Variants in TESK2 observed in about 807,000 individuals in gnomAD.
TESK2 encodes the protein testis associated actin remodelling kinase 2.
Under a neutral mutation model 57.1 loss-of-function variants are expected in TESK2, and 39 were observed. That is an observed-to-expected ratio of 0.68 (90% CI 0.53 to 0.89). TESK2 has a LOEUF of 0.89. Ranked by LOEUF, TESK2 falls within the 40% of genes least tolerant of loss-of-function variation. The probability of loss-of-function intolerance (pLI) is 0.00; values close to 1 mark genes in which losing one functional copy is unlikely to be tolerated. For synonymous variants in TESK2, 249 were observed against 267.9 expected, an observed-to-expected ratio of 0.93 and a Z score of 0.69; for missense variants, 646 against 732.1, an observed-to-expected ratio of 0.88 and a Z score of 1.36.
intron 3 of TESK2, among the ~76,000 whole-genome samples, chr1:45,402,406 A>G (rs910614137): frequency 7.9e-5 from 12 of 151,134 alleles, no homozygotes; most frequent in Non-Finnish European, 1.0e-4. Flanking sequence ...AAAAAAAAAA[A>G]AAAAGAAAAA....
chr1:45,349,256 A>G (rs928174955), intron 5 of TESK2, among the ~76,000 whole-genome samples: 2 of 151,984 alleles, frequency 1.3e-5, no homozygotes, highest in Non-Finnish European at 2.9e-5. Context: ...CCCTTCCCCA[A>G]GCTGGAAGGA....
chr1:45,394,679 CTTTTTTTTTT>C (rs5773871), intron 3 of TESK2, among the ~76,000 whole-genome samples: 701 of 57,428 alleles, frequency 0.012, 7 homozygotes, highest in South Asian at 0.081. Context: ...ACAGGAAACT[CTTTTTTTTTT>C]TTTTTTTTTT....
At chr1:45,359,698 T>C (rs1190712324) in intron 4 of TESK2, among the ~76,000 whole-genome samples, 3 of 151,924 alleles carry the variant, frequency 2.0e-5, no homozygotes, top group African/African-American at 7.3e-5. Context: ...ACCCCATCTC[T>C]ACTAAAGATA....
intron 2 of TESK2, among the ~76,000 whole-genome samples, chr1:45,451,669 C>T (rs975079294): frequency 3.3e-5 from 5 of 152,138 alleles, no homozygotes; most frequent in African/African-American, 1.2e-4. Context: ...TTGGCAGCAC[C>T]TAAACTGGCT....
At chr1:45,479,615 CTATTT>C (rs1557589777) in intron 1 of TESK2, among the ~76,000 whole-genome samples, 2 of 151,212 alleles carry the variant, frequency 1.3e-5, no homozygotes, top group Admixed American at 1.3e-4. Context: ...TTATATTATT[CTATTT>C]TATTTAATTC....
At chr1:45,358,278 A>C (rs1254334221) in intron 4 of TESK2, among the ~76,000 whole-genome samples, 1 of 150,916 alleles carries the variant, frequency 6.6e-6, no homozygotes, top group East Asian at 1.9e-4. Context: ...GTACCACTGC[A>C]CTCCAGCCTG....
chr1:45,413,870 C>T, intron 3 of TESK2: 1 of 455,830 alleles, frequency 2.2e-6, no homozygotes, highest in Non-Finnish European at 4.4e-6. Flanking sequence ...TACTTCTGCA[C>T]CTATAAAAGA....
intron 4 of TESK2, among the ~76,000 whole-genome samples, chr1:45,374,828 C>T (rs1400057470): frequency 6.6e-6 from 1 of 152,214 alleles, no homozygotes; most frequent in Non-Finnish European, 1.5e-5. Context: ...CTATAGTCTT[C>T]CCATCTCCAT....
chr1:45,415,936 GA>G (rs1650220881), intron 3 of TESK2, among the ~76,000 whole-genome samples: 1 of 151,752 alleles, frequency 6.6e-6, no homozygotes, highest in Admixed American at 6.6e-5. Flanking sequence ...AACACTATGA[GA>G]TTTTTTTTTT....
At chr1:45,405,646 A>G (rs1649811539) in intron 3 of TESK2, among the ~76,000 whole-genome samples, 1 of 149,204 alleles carries the variant, frequency 6.7e-6, no homozygotes, top group African/African-American at 2.4e-5. Context: ...ATCTATATCT[A>G]TATCTATATA....
chr1:45,394,323 C>T lies in TESK2; in HGVS notation c.345-8363G>A, dbSNP rs1372204789. ...GACTACAGGCACACACCACAGCTGG[C>T]TTTTTTTTTTTTTTTTTTTTTGGTA... On this transcript the variant is annotated intron_variant, in intron 3 of 10. Coordinates refer to ENST00000372086, the MANE Select transcript of TESK2 (RefSeq NM_007170.3). 1.2e-3 allele frequency among the ~76,000 whole-genome samples: 135 copies of T among 115,098 alleles called. 1 individual carries two copies. The highest frequency in any genetic ancestry group is 4.3e-3 in the African/African-American group (125 of 29,010). 75.5% of individuals were successfully genotyped at this position (115,098 alleles called of 152,430 possible).
chr1:45,487,020 G>A (rs111970684), intron 1 of TESK2, among the ~76,000 whole-genome samples: 1 of 151,614 alleles, frequency 6.6e-6, no homozygotes, highest in African/African-American at 2.4e-5. Flanking sequence ...GTAGAGACAG[G>A]GTTTCTCCAT....
chr1:45,349,193 C>T (rs1647199951), intron 5 of TESK2, among the ~76,000 whole-genome samples: 1 of 151,624 alleles, frequency 6.6e-6, no homozygotes, highest in Non-Finnish European at 1.5e-5. Context: ...CTGCTTACTC[C>T]TGTCAGGTAC....
chr1:45,363,075 G>A (rs946700055), intron 4 of TESK2, among the ~76,000 whole-genome samples: 2 of 152,184 alleles, frequency 1.3e-5, no homozygotes, highest in East Asian at 1.9e-4. Flanking sequence ...GACATTAGAG[G>A]TAGAATCAGC....
Position 45,483,601 on chromosome 1 carries a change from G to GAA in TESK2, c.-87+7249_-87+7250dup, listed in dbSNP as rs11286213. ...GAACGAAACTCCGTCTCAGAAAAAA[G>GAA]AAAAAAAAAAAAAGGAAATTAATGA... On this transcript the variant is annotated intron_variant, in intron 1 of 10. Coordinates refer to ENST00000372086, the MANE Select transcript of TESK2 (RefSeq NM_007170.3). Among the ~76,000 whole-genome samples, 111 of 132,376 alleles carry GAA rather than the reference G, an allele frequency of 8.4e-4. 1 individual carries two copies. The highest frequency in any genetic ancestry group is 2.9e-3 in the African/African-American group (105 of 36,250). The allele number at this position is 132,376 out of a possible 152,430, so 86.8% of individuals were successfully genotyped here. A position where few individuals can be genotyped will look rare whatever the true frequency, so the allele number is the denominator to read the frequency against.
intron 1 of TESK2, among the ~76,000 whole-genome samples, chr1:45,486,629 C>A (rs1653485460): frequency 6.7e-6 from 1 of 150,244 alleles, no homozygotes; most frequent in Non-Finnish European, 1.5e-5. Context: ...GAGCCGAGAT[C>A]TTGCCACTGC....
At chr1:45,380,941 T>C (rs189208295) in intron 4 of TESK2, among the ~76,000 whole-genome samples, 67 of 152,308 alleles carry the variant, frequency 4.4e-4, no homozygotes, top group African/African-American at 1.6e-3. Flanking sequence ...GTGGGGAATA[T>C]AAAAATCAAT....
chr1:45,441,855 G>C (rs1348282430), intron 2 of TESK2, among the ~76,000 whole-genome samples: 3 of 152,096 alleles, frequency 2.0e-5, no homozygotes, highest in South Asian at 4.1e-4. Context: ...GACCTCAAGT[G>C]ATCCACCTGC....
At chr1:45,391,358 C>T (rs946320634) in intron 3 of TESK2, among the ~76,000 whole-genome samples, 2 of 151,770 alleles carry the variant, frequency 1.3e-5, no homozygotes, top group African/African-American at 2.4e-5. Context: ...GCTGGGACTA[C>T]AGGCACACAT....
Sources: allele counts gnomAD v4.1 joint callset (sites outside exome capture counted in the v4.1 genomes callset), GRCh38; gene constraint gnomAD v4.1.1; transcripts MANE v1.5; gene names NCBI Gene and HGNC (gene_info 2026-07-23, HGNC 2026-07-21).